The following KIRREL3 variants were observed in gnomAD, a reference collection of about 807,000 sequenced individuals.
KIRREL3 encodes the protein kin of IRRE-like protein 3.
KIRREL3 carries 36 observed loss-of-function variants against 89.7 expected under a neutral mutation model. The ratio of observed to expected loss-of-function variants is 0.40; its 90% CI spans 0.31 to 0.53. The LOEUF is 0.53. Ranked by LOEUF, KIRREL3 falls within the 20% of genes least tolerant of loss-of-function variation. KIRREL3 has a pLI of 0.49. For missense variants in KIRREL3, 864 were observed against 1,056.6 expected (o/e 0.82, Z 2.53); for synonymous variants, 445 against 441.4 (o/e 1.01, Z -0.10).
At chr11:126,733,479 T>C (rs1002412846) in intron 1 of KIRREL3, among the ~76,000 whole-genome samples, 1 of 152,180 alleles carries the variant, frequency 6.6e-6, no homozygotes, top group African/African-American at 2.4e-5. Flanking sequence ...TCTGGATTGT[T>C]TTCCTTCTTT....
In KIRREL3 at chr11:126,443,114, C is replaced by T. The variant is rs1427605165; in HGVS notation, c.1252+1865G>A. Among the ~76,000 whole-genome samples the T allele has an allele frequency of 5.3e-5, 8 of 152,242 alleles. No individual in the cohort carries two copies. Reference sequence around the variant, plus strand: ...CGTCTAAAGTGACAGCAGATGTCAGCTCCTCCTTTATCCACCTGCTTTTCC... The same window carrying T: ...CGTCTAAAGTGACAGCAGATGTCAGTTCCTCCTTTATCCACCTGCTTTTCC... On this transcript the variant is annotated intron_variant, in intron 10 of 16. Coordinates refer to ENST00000525144, the MANE Select transcript of KIRREL3 (RefSeq NM_032531.4). The surrounding 1 kb of genome is among the most constrained non-coding windows in gnomAD (Gnocchi z 7.3).
chr11:126,451,571 CAT>C (rs1491250888), intron 7 of KIRREL3, among the ~76,000 whole-genome samples: 1 of 71,582 alleles, frequency 1.4e-5, no homozygotes, highest in East Asian at 8.5e-4. Flanking sequence ...TGATCATGTG[CAT>C]GTGTGTGTGC....
intron 4 of KIRREL3, among the ~76,000 whole-genome samples, chr11:126,488,173 G>A (rs1957417584): frequency 6.6e-6 from 1 of 152,240 alleles, no homozygotes; most frequent in South Asian, 2.1e-4. Context: ...GGCAGGGAGG[G>A]ACTCCTCATC....
In KIRREL3 at chr11:126,558,019, C is replaced by G. The variant is rs1224525217; in HGVS notation, c.133+4816G>C. On this transcript the variant is annotated intron_variant, in intron 2 of 16. Transcript: ENST00000525144. The surrounding 1 kb of genome is among the most constrained non-coding windows in gnomAD (Gnocchi z 4.0). ...CAGCACCCAGAGGCATTTCTGCTCT[C>G]CCTTGGTCTCTTGAAGCAGACATCA... Among the ~76,000 whole-genome samples, 1 of 152,230 alleles carries G rather than the reference C, an allele frequency of 6.6e-6. No homozygotes were observed. The highest frequency in any genetic ancestry group is 2.4e-5 in the African/African-American group (1 of 41,462).
rs1174407749 is a variant in KIRREL3 at position 126,883,697 on chromosome 11, G to A, written c.55+116758C>T. ...TTTCCATTCCCACTTCACACTGTGA[G>A]GATCTCCTGGACAAGCATTAGTCTC... On this transcript the variant is annotated intron_variant, in intron 1 of 16. Coordinates refer to ENST00000525144, the MANE Select transcript of KIRREL3 (RefSeq NM_032531.4). This position sits in a 1 kb window ranked among gnomAD's most constrained non-coding sequence, Gnocchi z 4.1. Among the ~76,000 whole-genome samples, 2 of 152,042 alleles carry A rather than the reference G, an allele frequency of 1.3e-5. No homozygotes were observed. Among genetic ancestry groups the A allele is most frequent in the Non-Finnish European group, 2.9e-5 (2 of 68,006 alleles).
rs953265554 is a variant in KIRREL3, at chr11:126,561,615, A to G, written c.133+1220T>C. 1.3e-5 allele frequency among the ~76,000 whole-genome samples: 2 copies of G among 152,164 alleles called. No homozygotes were observed. Among genetic ancestry groups the G allele is most frequent in the Non-Finnish European group, 2.9e-5 (2 of 68,022 alleles). On this transcript the variant is annotated intron_variant, in intron 2 of 16. Transcript: ENST00000525144. The surrounding 1 kb of genome is among the most constrained non-coding windows in gnomAD (Gnocchi z 4.5). Reference sequence around the variant, plus strand: ...TCAGTAAAGGCAACTGACTAGCAGGACACAGAAAATGCGGCCCCCAACTCT... The same window carrying G: ...TCAGTAAAGGCAACTGACTAGCAGGGCACAGAAAATGCGGCCCCCAACTCT...
intron 1 of KIRREL3, among the ~76,000 whole-genome samples, chr11:126,784,600 G>A (rs768502882): frequency 1.0e-4 from 15 of 149,852 alleles, no homozygotes; most frequent in Non-Finnish European, 2.2e-4. Flanking sequence ...TTTACTTAGC[G>A]CTTATCCTGC....
Position 126,912,064 on chromosome 11 carries a change from G to T in KIRREL3, c.55+88391C>A, listed in dbSNP as rs2134913624. Among the ~76,000 whole-genome samples, 1 of 151,104 alleles carries T rather than the reference G, an allele frequency of 6.6e-6. No individual in the cohort carries two copies. Among genetic ancestry groups the T allele is most frequent in the East Asian group, 2.0e-4 (1 of 5,070 alleles). On this transcript the variant is annotated intron_variant, in intron 1 of 16. Coordinates refer to ENST00000525144, the MANE Select transcript of KIRREL3 (RefSeq NM_032531.4). The surrounding 1 kb of genome is among the most constrained non-coding windows in gnomAD (Gnocchi z 4.7). ...AGGAAGCCCTGCAGAGAAGCTGCCA[G>T]CCCACATACTCATGGAGAGCCCCAA...
intron 4 of KIRREL3, among the ~76,000 whole-genome samples, chr11:126,480,579 C>T (rs1957189661): frequency 6.6e-6 from 1 of 152,230 alleles, no homozygotes; most frequent in South Asian, 2.1e-4. Flanking sequence ...GTTAGAGCAG[C>T]TCCCAGACTA....
intron 6 of KIRREL3, among the ~76,000 whole-genome samples, chr11:126,458,164 G>A (rs562680723): frequency 2.9e-4 from 44 of 152,344 alleles, no homozygotes; most frequent in Non-Finnish European, 5.3e-4. Flanking sequence ...TGGGCCCTGG[G>A]CTGCATCTTC....
intron 1 of KIRREL3, among the ~76,000 whole-genome samples, chr11:126,649,111 A>G (rs1944808251): frequency 6.6e-6 from 1 of 152,204 alleles, no homozygotes; most frequent in South Asian, 2.1e-4. Flanking sequence ...AGATCTTGTG[A>G]GACATATTCA....
intron 7 of KIRREL3, 135 bp from the exon 8 acceptor site, chr11:126,449,292 G>C: frequency 1.0e-6 from 1 of 952,834 alleles, no homozygotes; most frequent in East Asian, 2.5e-5. Flanking sequence ...GTCCGTCAAG[G>C]GGAATCTTCA....
chr11:126,689,466 T>G lies in KIRREL3; in HGVS notation c.56-126554A>C, dbSNP rs1002285544. Among the ~76,000 whole-genome samples, 15 of 152,202 alleles carry G rather than the reference T, an allele frequency of 9.9e-5. No individual in the cohort carries two copies. On this transcript the variant is annotated intron_variant, in intron 1 of 16. Coordinates refer to ENST00000525144, the MANE Select transcript of KIRREL3 (RefSeq NM_032531.4). The surrounding 1 kb of genome is among the most constrained non-coding windows in gnomAD (Gnocchi z 5.2). Reference sequence around the variant, plus strand: ...CACAGGGCTAGGCCACTTCTGCTCCTTGCAAGCTCCAAAGAGGAGGTCTCC... The same window carrying G: ...CACAGGGCTAGGCCACTTCTGCTCCGTGCAAGCTCCAAAGAGGAGGTCTCC...
At chr11:126,751,203 C>T (rs372910155) in intron 1 of KIRREL3, among the ~76,000 whole-genome samples, 1 of 152,218 alleles carries the variant, frequency 6.6e-6, no homozygotes, top group African/African-American at 2.4e-5. Context: ...ATTCAATCCA[C>T]TCCTCTAGGT....
intron 10 of KIRREL3, among the ~76,000 whole-genome samples, chr11:126,444,722 C>T (rs1047621025): frequency 6.6e-6 from 1 of 152,188 alleles, no homozygotes; most frequent in Non-Finnish European, 1.5e-5. Context: ...TCATCACCCA[C>T]CACTCTCAGG....
At position 126,620,269 on chromosome 11, in the gene KIRREL3, C is replaced by A. The variant is rs924310745; in HGVS notation, c.56-57357G>T. ...TTGAATTGATCCTTGGATTCTAGAC[C>A]CAAGGTGGATTCTAGACCCATTATC... On this transcript the variant is annotated intron_variant, in intron 1 of 16. Coordinates refer to ENST00000525144, the MANE Select transcript of KIRREL3 (RefSeq NM_032531.4). The surrounding 1 kb of genome is among the most constrained non-coding windows in gnomAD (Gnocchi z 4.8). 6.6e-6 allele frequency among the ~76,000 whole-genome samples: 1 copy of A among 152,078 alleles called. No individual in the cohort carries two copies. Among genetic ancestry groups the A allele is most frequent in the African/African-American group, 2.4e-5 (1 of 41,396 alleles).
In KIRREL3 at chr11:126,628,705, A is replaced by C. The variant is rs768416978; in HGVS notation, c.56-65793T>G. On this transcript the variant is annotated intron_variant, in intron 1 of 16. Transcript: ENST00000525144. The surrounding 1 kb of genome is among the most constrained non-coding windows in gnomAD (Gnocchi z 5.2). ...TCTCTCTGCCTCTCCTGAAAGACTA[A>C]TACTAAGCACTCTTATCTCACCCCT... Among the ~76,000 whole-genome samples, 3 of 152,174 alleles carry C rather than the reference A, an allele frequency of 2.0e-5. No individual in the cohort carries two copies. The highest frequency in any genetic ancestry group is 4.4e-5 in the Non-Finnish European group (3 of 68,034).
chr11:126,535,841 G>A lies in KIRREL3; in HGVS notation c.134-9154C>T, dbSNP rs1395365691. ...CTCTACTAAAAATACAAAAATTAGC[G>A]GGACATGGTGGTGCGTGCCTGTAAT... is the stretch of plus-strand genomic sequence containing the variant. On this transcript the variant is annotated intron_variant, in intron 2 of 16. Transcript: ENST00000525144. This position sits in a 1 kb window ranked among gnomAD's most constrained non-coding sequence, Gnocchi z 4.5. 3.9e-5 allele frequency among the ~76,000 whole-genome samples: 6 copies of A among 152,086 alleles called. No individual in the cohort carries two copies. Among genetic ancestry groups the A allele is most frequent in the Admixed American group, 2.0e-4 (3 of 15,274 alleles).
intron 10 of KIRREL3, 61 bp from the exon 11 acceptor site, chr11:126,440,610 T>C (rs1565452553): frequency 1.4e-6 from 2 of 1,418,632 alleles, no homozygotes; most frequent in Non-Finnish European, 2.0e-6. Flanking sequence ...TGGCGCCCTC[T>C]TGGGTGGGTT....
Sources: gnomAD v4.1 joint callset for allele counts (sites outside exome capture counted in the v4.1 genomes callset) on GRCh38, gnomAD v4.1.1 for gene constraint, Gnocchi (gnomAD v3.1) non-coding constraint, MANE v1.5 for transcripts, NCBI Gene and HGNC (gene_info 2026-07-23, HGNC 2026-07-21) for gene names.